Variants in CSMD1 observed in about 807,000 individuals in gnomAD.
The protein encoded by CSMD1 is CUB and Sushi multiple domains 1.
In CSMD1, 213 loss-of-function variants were observed where a neutral mutation model predicts 417.5. The observed-to-expected ratio is 0.51, with a 90% CI of 0.46 to 0.57. The LOEUF (loss-of-function observed/expected upper bound fraction) is 0.57. CSMD1 is among the 20% of genes least tolerant of loss of function. The probability of loss-of-function intolerance (pLI) is 0.00; values close to 1 mark genes in which losing one functional copy is unlikely to be tolerated. For synonymous variants in CSMD1, 2,862 were observed against 1,736.8 expected, an observed-to-expected ratio of 1.65 and a Z score of -16.11; for missense variants, 6,923 against 4,529.7, an observed-to-expected ratio of 1.53 and a Z score of -15.17.
chr8:4,954,887 G>T (rs1351463860), intron 1 of CSMD1, among the ~76,000 whole-genome samples: 1 of 152,184 alleles, frequency 6.6e-6, no homozygotes, highest in Non-Finnish European at 1.5e-5. Context: ...GGAATTCAGA[G>T]TACTTTGTTT....
chr8:3,423,429 A>G (rs1052113041), intron 12 of CSMD1, among the ~76,000 whole-genome samples: 10 of 152,196 alleles, frequency 6.6e-5, no homozygotes, highest in Admixed American at 6.5e-5. Context: ...ATCATAGGGT[A>G]CACACATTTT....
intron 3 of CSMD1, among the ~76,000 whole-genome samples, chr8:4,342,187 T>G (rs1209776096): frequency 6.7e-6 from 1 of 149,466 alleles, no homozygotes; most frequent in East Asian, 2.0e-4. Flanking sequence ...TTATGCAAAC[T>G]TGGCAGCAGT....
At chr8:3,818,100 G>C (rs1284152182) in intron 5 of CSMD1, among the ~76,000 whole-genome samples, 1 of 147,072 alleles carries the variant, frequency 6.8e-6, no homozygotes, top group Non-Finnish European at 1.5e-5. Flanking sequence ...CTGGCACCAT[G>C]TTATTCCCTG....
At chr8:3,512,586 A>T (rs1356713986) in intron 10 of CSMD1, among the ~76,000 whole-genome samples, 6 of 145,954 alleles carry the variant, frequency 4.1e-5, no homozygotes, top group Non-Finnish European at 7.5e-5. Flanking sequence ...CCAGGAGCTT[A>T]CTTTAATTTT....
In CSMD1 at chr8:4,510,390, T is replaced by TAAAAAAAAAAAAAAAAAAAAAAAA. The variant is rs34791623; in HGVS notation, c.303-90349_303-90326dup. On this transcript the variant is annotated intron_variant, in intron 2 of 69. Coordinates refer to ENST00000635120, the MANE Select transcript of CSMD1 (RefSeq NM_033225.6). ...GTAGACAATTAAAAAGCATAATGCC[T>TAAAAAAAAAAAAAAAAAAAAAAAA]AAAAAAAAAAAAAAAAAAAAAAAAA... Among the ~76,000 whole-genome samples the TAAAAAAAAAAAAAAAAAAAAAAAA allele has an allele frequency of 4.6e-4, 25 of 54,618 alleles. 3 individuals carry two copies. The highest frequency in any genetic ancestry group is 6.9e-4 in the African/African-American group (9 of 12,952). The allele number at this position is 54,618 out of a possible 152,430, so 35.8% of individuals were successfully genotyped here.
At chr8:3,331,520 G>C (rs1199420497) in intron 23 of CSMD1, among the ~76,000 whole-genome samples, 2 of 152,146 alleles carry the variant, frequency 1.3e-5, no homozygotes, top group African/African-American at 2.4e-5. Context: ...CTAATGATAG[G>C]ACCTTAACTT....
intron 50 of CSMD1, among the ~76,000 whole-genome samples, chr8:3,033,757 A>G (rs1001093898): frequency 3.3e-5 from 5 of 152,210 alleles, no homozygotes; most frequent in African/African-American, 9.6e-5. Context: ...CCCAGAACTT[A>G]AAGTAAAATA....
At chr8:3,523,782 C>CA (rs1563120005) in intron 10 of CSMD1, among the ~76,000 whole-genome samples, 1 of 145,058 alleles carries the variant, frequency 6.9e-6, no homozygotes, top group Admixed American at 6.7e-5. Context: ...CATGCACACC[C>CA]AGAGACATAT....
chr8:4,537,386 T>C (rs1377586440), intron 2 of CSMD1, among the ~76,000 whole-genome samples: 1 of 152,182 alleles, frequency 6.6e-6, no homozygotes, highest in African/African-American at 2.4e-5. Context: ...TGTAGGGCAA[T>C]GTAATATTGC....
At chr8:3,418,896 G>C (rs770677525) in intron 12 of CSMD1, among the ~76,000 whole-genome samples, 8 of 152,136 alleles carry the variant, frequency 5.3e-5, no homozygotes, top group Non-Finnish European at 8.8e-5. Context: ...CAACAGCCAA[G>C]GTAGTAATGA....
At chr8:4,972,112 G>C (rs183755158) in intron 1 of CSMD1, among the ~76,000 whole-genome samples, 17 of 152,218 alleles carry the variant, frequency 1.1e-4, no homozygotes, top group South Asian at 2.1e-4. Context: ...TCTGATAAAA[G>C]AAAGAGTAAT....
rs73660306 is a variant in CSMD1, at chr8:3,576,716, C to T, written c.1223-1650G>A. 7.9e-3 allele frequency among the ~76,000 whole-genome samples: 1,196 copies of T among 152,304 alleles called. 12 individuals are homozygous for T. Among genetic ancestry groups the T allele is most frequent in the African/African-American group, 0.028 (1,143 of 41,556 alleles). ...AAGGACTGGATGAAAACATGGACCCCTCTTATACACTAATATCTCACTCTC... is the reference window on the plus strand; with the variant it reads ...AAGGACTGGATGAAAACATGGACCCTTCTTATACACTAATATCTCACTCTC... On this transcript the variant is annotated intron_variant, in intron 9 of 69. Transcript: ENST00000635120.
chr8:3,761,264 T>A (rs1422681552), intron 5 of CSMD1, among the ~76,000 whole-genome samples: 1 of 152,052 alleles, frequency 6.6e-6, no homozygotes, highest in Non-Finnish European at 1.5e-5. Context: ...TATACACACA[T>A]AAAATAAACA....
intron 18 of CSMD1, among the ~76,000 whole-genome samples, chr8:3,377,355 G>A (rs1399513837): frequency 6.6e-6 from 1 of 152,108 alleles, no homozygotes; most frequent in Non-Finnish European, 1.5e-5. Flanking sequence ...TGAGAAACAT[G>A]TTCCAGTGCT....
chr8:4,202,825 G>T (rs961576212), intron 3 of CSMD1, among the ~76,000 whole-genome samples: 5 of 152,202 alleles, frequency 3.3e-5, no homozygotes, highest in Non-Finnish European at 7.3e-5. Context: ...GAAAAAGAGG[G>T]CAGTGAAGCT....
intron 10 of CSMD1, among the ~76,000 whole-genome samples, chr8:3,502,438 T>A (rs1421366924): frequency 6.6e-6 from 1 of 151,296 alleles, no homozygotes; most frequent in African/African-American, 2.4e-5. Context: ...ACTTTATTCA[T>A]AATCGCCAAA....
At chr8:4,360,732 G>A (rs1039196326) in intron 3 of CSMD1, among the ~76,000 whole-genome samples, 2 of 151,590 alleles carry the variant, frequency 1.3e-5, no homozygotes, top group African/African-American at 2.4e-5. Context: ...CTGACCTCGT[G>A]ATCCGCCTAC....
chr8:4,818,232 T>A (rs183423346), intron 1 of CSMD1, among the ~76,000 whole-genome samples: 6 of 152,288 alleles, frequency 3.9e-5, no homozygotes, highest in Admixed American at 3.9e-4. Flanking sequence ...TGTATAGCAA[T>A]AGAAAAATCA....
rs541327715 is a variant in CSMD1, at chr8:3,087,222, G to A, written c.7349C>T (p.Ala2450Val). 1.3e-5 allele frequency: 21 copies of A among 1,613,744 alleles called. No homozygotes were observed. The highest frequency in any genetic ancestry group is 4.4e-5 in the South Asian group (4 of 91,086). The change falls in exon 49 of 70, where the codon GCG becomes GTG. Residue 2450 changes from alanine (A) to valine (V), a missense_variant. Physicochemically the swap from Ala to Val is moderately conservative, Grantham distance 64 (BLOSUM62 0). Coordinates refer to ENST00000635120, the MANE Select transcript of CSMD1 (RefSeq NM_033225.6). ...NGGILNRTAGAVGSKVHYFCK... is the reference protein window; with the variant it reads ...NGGILNRTAGVVGSKVHYFCK... ...AAAATAATGCACTTTGCTTCCAACCGCTCCTGCAGTCCTGTTTAGAATACC... is the reference window on the plus strand; with the variant it reads ...AAAATAATGCACTTTGCTTCCAACCACTCCTGCAGTCCTGTTTAGAATACC...
Sources: gnomAD v4.1 joint callset for allele counts (sites outside exome capture counted in the v4.1 genomes callset) on GRCh38, gnomAD v4.1.1 for gene constraint, MANE v1.5 for transcripts, NCBI Gene and HGNC (gene_info 2026-07-23, HGNC 2026-07-21) for gene names.